The following PRRG1 variants were observed in gnomAD, a reference collection of about 807,000 sequenced individuals.
PRRG1 encodes transmembrane gamma-carboxyglutamic acid protein 1.
Under a neutral mutation model 11.8 loss-of-function variants are expected in PRRG1, and 5 were observed. That is an observed-to-expected ratio of 0.42 (90% confidence interval 0.22 to 0.89). The LOEUF (loss-of-function observed/expected upper bound fraction) is 0.89. Ranked by LOEUF, PRRG1 falls within the 40% of genes least tolerant of loss-of-function variation. PRRG1 has a pLI of 0.28. For synonymous variants in PRRG1, 66 were observed against 60.4 expected, an observed-to-expected ratio of 1.09 and a Z score of -0.43; for missense variants, 155 against 166.1, an observed-to-expected ratio of 0.93 and a Z score of 0.37.
intron 3 of PRRG1, 89 bp downstream of exon 3, chrX:37,426,089 G>C: frequency 1.1e-6 from 1 of 948,647 alleles, no homozygotes; most frequent in Non-Finnish European, 1.4e-6. Flanking sequence ...TATGTACATT[G>C]CTAGCAATTA....
chrX:37,454,310 C>A lies in PRRG1; in HGVS notation c.*689C>A, dbSNP rs1556397748. On this transcript the variant is annotated 3_prime_UTR_variant, in exon 4 of 4. Transcript: ENST00000378628. The stretch of plus-strand genomic sequence containing the variant: ...TTTTTTTTTTGGTTGACCACTCCCC[C>A]ACACTTCCAAAATTAAACAGTGTTT... 9.0e-6 allele frequency: 1 copy of A among 111,623 alleles called. No individual in the cohort carries two copies. The allele number at this position is 111,623 out of a possible 1,213,427, so 9.2% of individuals were successfully genotyped here. A position where few individuals can be genotyped will look rare whatever the true frequency, so the allele number is the denominator to read the frequency against.
intron 3 of PRRG1, among the ~76,000 whole-genome samples, chrX:37,447,440 A>G (rs1244806938): frequency 8.9e-6 from 1 of 112,351 alleles, no homozygotes; most frequent in Admixed American, 9.4e-5. Flanking sequence ...AAGGTCTCAT[A>G]ATCATTCTTC....
chrX:37,438,840 A>C lies in PRRG1; in HGVS notation c.171+12840A>C, dbSNP rs185348898. On this transcript the variant is annotated intron_variant, in intron 3 of 3. Coordinates refer to ENST00000378628, the MANE Select transcript of PRRG1 (RefSeq NM_001142395.2). ...ACCACCACTGCTACTCACTTCTCAG[A>C]GGTTCTGATCTGGATGGGGTGACTA... Among the ~76,000 whole-genome samples the C allele has an allele frequency of 3.0e-4, 33 of 111,820 alleles. No homozygotes were observed. In the East Asian group the frequency reaches 8.7e-3, roughly 29 times the overall value.
chrX:37,402,014 C>T (rs782680475), intron 1 of PRRG1, among the ~76,000 whole-genome samples: 41 of 111,374 alleles, frequency 3.7e-4, no homozygotes, highest in East Asian at 2.8e-4. Context: ...GAACATTCCA[C>T]GCTCATGGGT....
chrX:37,356,321 C>G (rs1480404224), intron 1 of PRRG1, among the ~76,000 whole-genome samples: 3 of 111,215 alleles, frequency 2.7e-5, no homozygotes, highest in African/African-American at 9.8e-5. Context: ...TCAGGGAAGA[C>G]TTCACTGTCA....
At chrX:37,446,693 A>G (rs782691939) in intron 3 of PRRG1, among the ~76,000 whole-genome samples, 3 of 111,406 alleles carry the variant, frequency 2.7e-5, no homozygotes, top group Non-Finnish European at 3.8e-5. Flanking sequence ...TTTAGCTGAC[A>G]GTTCTGCAGG....
intron 3 of PRRG1, among the ~76,000 whole-genome samples, chrX:37,444,669 A>G (rs1933042475): frequency 9.0e-6 from 1 of 111,238 alleles, no homozygotes; most frequent in African/African-American, 3.3e-5. Context: ...TTTGGGGGAA[A>G]GACTTCACTT....
chrX:37,433,722 T>C (rs182323693), intron 3 of PRRG1, among the ~76,000 whole-genome samples: 11 of 112,400 alleles, frequency 9.8e-5, no homozygotes, highest in African/African-American at 3.2e-4. Context: ...GATGGATGAA[T>C]GAAGGAATGG....
At chrX:37,450,759 A>G (rs1415906120) in intron 3 of PRRG1, among the ~76,000 whole-genome samples, 2 of 112,063 alleles carry the variant, frequency 1.8e-5, no homozygotes, top group Non-Finnish European at 3.8e-5. Context: ...TCACCTGCAG[A>G]TAAAGGAAAA....
At chrX:37,401,164 G>A (rs1356631573) in intron 1 of PRRG1, among the ~76,000 whole-genome samples, 7 of 110,231 alleles carry the variant, frequency 6.4e-5, no homozygotes, top group Admixed American at 9.6e-5. Flanking sequence ...TACCAAAGCC[G>A]GGCAGAGACA....
intron 1 of PRRG1, among the ~76,000 whole-genome samples, chrX:37,355,093 A>T (rs1295832399): frequency 1.8e-5 from 2 of 109,411 alleles, no homozygotes; most frequent in Non-Finnish European, 3.8e-5. Context: ...TAAATTAAAA[A>T]TTTTTTTTTG....
At chrX:37,401,584 A>T (rs1463424125) in intron 1 of PRRG1, among the ~76,000 whole-genome samples, 21 of 110,659 alleles carry the variant, frequency 1.9e-4, no homozygotes, top group African/African-American at 6.9e-4. Context: ...CAAGACAGGG[A>T]TGCCCTCTCT....
At chrX:37,402,084 C>T (rs1469791861) in intron 1 of PRRG1, among the ~76,000 whole-genome samples, 1 of 111,401 alleles carries the variant, frequency 9.0e-6, no homozygotes, top group Non-Finnish European at 1.9e-5. Flanking sequence ...AGATTCAATG[C>T]CATCCCCATC....
intron 1 of PRRG1, among the ~76,000 whole-genome samples, chrX:37,350,102 C>T (rs1402523666): frequency 9.1e-6 from 1 of 109,532 alleles, no homozygotes; most frequent in Non-Finnish European, 1.9e-5. Context: ...GAGAAACAGT[C>T]TTCCTGCTTC....
intron 3 of PRRG1, 106 bp from the exon 4 acceptor site, chrX:37,453,030 T>C (rs2146641772): frequency 1.0e-6 from 1 of 960,265 alleles, no homozygotes; most frequent in South Asian, 2.6e-5. Flanking sequence ...AAATTTGGTT[T>C]TGGGTTTTTG....
chrX:37,404,566 T>A (rs1419561905), intron 1 of PRRG1, among the ~76,000 whole-genome samples: 1 of 110,867 alleles, frequency 9.0e-6, no homozygotes. Context: ...GTATTTCAAA[T>A]TGTGCTTCCT....
At position 37,454,735 on chromosome X, in the gene PRRG1, A is replaced by G. The variant is rs1921288151; in HGVS notation, c.*1114A>G. 1 of 111,987 alleles carries G rather than the reference A, an allele frequency of 8.9e-6. No homozygotes were observed. The highest frequency in any genetic ancestry group is 3.3e-5 in the African/African-American group (1 of 30,744). 9.2% of individuals were successfully genotyped at this position (111,987 alleles called of 1,213,427 possible). A position where few individuals can be genotyped will look rare whatever the true frequency, so the allele number is the denominator to read the frequency against. ...GCAAAGTCCATGTTATGCTAGGTGC[A>G]CAATAAATCTAGTAATAGCCCCACA... is the stretch of plus-strand genomic sequence containing the variant. On this transcript the variant is annotated 3_prime_UTR_variant, in exon 4 of 4. Coordinates refer to ENST00000378628, the MANE Select transcript of PRRG1 (RefSeq NM_001142395.2).
At chrX:37,407,974 T>C (rs1163731616) in intron 2 of PRRG1, among the ~76,000 whole-genome samples, 1 of 112,319 alleles carries the variant, frequency 8.9e-6, no homozygotes, top group African/African-American at 3.2e-5. Context: ...CCCTTGGAAA[T>C]TGATTAGGCC....
chrX:37,441,084 A>T (rs1932967858), intron 3 of PRRG1: 2 of 938,166 alleles, frequency 2.1e-6, no homozygotes, highest in African/African-American at 4.0e-5. Flanking sequence ...ATTTTAAAAT[A>T]TTTAAACTCA....
Sources: allele counts gnomAD v4.1 joint callset (sites outside exome capture counted in the v4.1 genomes callset), GRCh38; gene constraint gnomAD v4.1.1; transcripts MANE v1.5; gene names NCBI Gene and HGNC (gene_info 2026-07-23, HGNC 2026-07-21).